NIPA2: variants seen among roughly 807,000 people sequenced by gnomAD.
NIPA2 encodes the protein NIPA magnesium transporter 2, also known as magnesium transporter NIPA2.
A neutral mutation model predicts 29.7 loss-of-function variants in NIPA2; 11 were observed. The observed-to-expected ratio is 0.37, with a 90% CI of 0.23 to 0.61. The LOEUF is 0.61. NIPA2 is among the 20% of genes least tolerant of loss of function. The pLI, the probability that NIPA2 is intolerant of heterozygous loss-of-function variation, is 0.66. For synonymous variants in NIPA2, 183 were observed against 161.9 expected, an observed-to-expected ratio of 1.13 and a Z score of -0.99; for missense variants, 426 against 437.9, an observed-to-expected ratio of 0.97 and a Z score of 0.24.
Position 22,860,912 on chromosome 15 carries a change from G to A in NIPA2, c.448+123G>A, listed in dbSNP as rs932268662. The A allele has an allele frequency of 1.2e-5, 8 of 669,520 alleles. No individual in the cohort carries two copies. In the East Asian group the frequency reaches 1.8e-4, roughly 15 times the overall value. The allele number at this position is 669,520 out of a possible 1,614,324, so 41.5% of individuals were successfully genotyped here. A position where few individuals can be genotyped will look rare whatever the true frequency, so the allele number is the denominator to read the frequency against. ...CCACCTGGTAGAAGAACAAATTGTC[G>A]TCATGTTCCCTGCTCCCTCCTATCA... On this transcript the variant is annotated intron_variant, in intron 7 of 7. Coordinates refer to ENST00000337451, the MANE Select transcript of NIPA2 (RefSeq NM_030922.7).
In NIPA2 at chr15:22,854,067, C is replaced by T. The variant is rs530887792; in HGVS notation, c.196+799C>T. 5.3e-5 allele frequency among the ~76,000 whole-genome samples: 8 copies of T among 151,710 alleles called. No homozygotes were observed. In the South Asian group the frequency reaches 1.3e-3, roughly 24 times the overall value. ...GTCTCGATCTCTTGACCTCGTGATC[C>T]GCCCACCTTGGCCTCCCAAAGTGCT... On this transcript the variant is annotated intron_variant, in intron 5 of 7. Transcript: ENST00000337451.
At chr15:22,850,412 A>C (rs1036147422) in intron 3 of NIPA2, among the ~76,000 whole-genome samples, 2 of 151,206 alleles carry the variant, frequency 1.3e-5, no homozygotes, top group African/African-American at 4.9e-5. Context: ...GCGGCAAATC[A>C]GGGGTGAGGG....
At chr15:22,850,499 A>G (rs1310513363) in intron 3 of NIPA2, among the ~76,000 whole-genome samples, 1 of 152,132 alleles carries the variant, frequency 6.6e-6, no homozygotes, top group Non-Finnish European at 1.5e-5. Flanking sequence ...GGACTTTTTC[A>G]TTTCTTGGGA....
chr15:22,858,651 T>TAG, intron 6 of NIPA2, 21 bp downstream of exon 6: 1 of 1,409,970 alleles, frequency 7.1e-7, no homozygotes, highest in Non-Finnish European at 9.8e-7. Context: ...GTTTTTCATG[T>TAG]AGAAACAGTA....
In NIPA2 at chr15:22,866,796, A is replaced by C. The variant is rs113646056; in HGVS notation, c.1032A>C (p.Gln344His). ...AAAGCTTAACCTGTGGAATCGAACA[A>C]CACACTGGTGAAAATGTCTCCCGAA... ...NEESLTCGIE[Q>H]HTGENVSRRN... Residue 344 changes from glutamine (Q) to histidine (H), a missense_variant, in exon 8 of 8, where the codon CAA (glutamine) becomes CAC (histidine). Gln to His is a conservative substitution (Grantham distance 24). Coordinates refer to ENST00000337451, the MANE Select transcript of NIPA2 (RefSeq NM_030922.7). The C allele has an allele frequency of 1.0e-3, 1,668 of 1,609,002 alleles. 9 individuals carry two copies. The African/African-American group carries it at 0.011, about 11-fold the overall frequency.
chr15:22,849,467 G>A (rs2057551378), intron 3 of NIPA2, among the ~76,000 whole-genome samples: 1 of 152,074 alleles, frequency 6.6e-6, no homozygotes, highest in Non-Finnish European at 1.5e-5. Context: ...GTTCTGGAAG[G>A]CTTTCGGGTA....
At chr15:22,847,070 A>T (rs28591329) in intron 3 of NIPA2, among the ~76,000 whole-genome samples, 10 of 150,558 alleles carry the variant, frequency 6.6e-5, no homozygotes, top group Non-Finnish European at 1.3e-4. Context: ...TGCCCTGCTA[A>T]TTTTTTTGTA....
Position 22,866,413 on chromosome 15 carries a change from C to T in NIPA2, c.649C>T (p.Leu217=), listed in dbSNP as rs780796832. ...AGGGAAGCCTGTGCTGCGGCATCCCCTGGCTTGGATTCTGCTGCTGAGCCT... is the reference window on the plus strand; with the variant it reads ...AGGGAAGCCTGTGCTGCGGCATCCCTTGGCTTGGATTCTGCTGCTGAGCCT... The part of the protein sequence containing the change: ...FAGKPVLRHP[L]AWILLLSLIV... The change falls in exon 8 of 8, where the codon CTG becomes TTG. Residue 217 remains leucine, a synonymous_variant. Transcript: ENST00000337451. 23 of 1,614,018 alleles carry T rather than the reference C, an allele frequency of 1.4e-5. No homozygotes were observed. The South Asian group carries it at 2.5e-4, about 18-fold the overall frequency.
intron 7 of NIPA2, among the ~76,000 whole-genome samples, chr15:22,862,879 C>T (rs1196747765): frequency 2.1e-5 from 3 of 139,600 alleles, no homozygotes; most frequent in African/African-American, 5.3e-5. Context: ...GGCCTAGTTT[C>T]TTTCAGTTTG....
rs2059092511 is a variant in NIPA2 at position 22,866,597 on chromosome 15, A to G, written c.833A>G (p.Asp278Gly). 1 of 1,614,118 alleles carries G rather than the reference A, an allele frequency of 6.2e-7. No homozygotes were observed. The highest frequency in any genetic ancestry group is 8.5e-7 in the Non-Finnish European group (1 of 1,180,010). ...FKEWQDMPVD[D>G]VIGTLSGFFT... ...GAGTGGCAAGATATGCCTGTTGACG[A>G]TGTCATTGGTACTTTGAGTGGCTTC... The change falls in exon 8 of 8, where the codon GAT becomes GGT. Residue 278 changes from aspartate to glycine, a missense_variant. Asp to Gly is a moderately conservative substitution (Grantham distance 94). This residue lies in a region of NIPA2 where 357 missense variants were observed against 339.8 expected (regional missense o/e 1.05). Transcript: ENST00000337451.
intron 5 of NIPA2, among the ~76,000 whole-genome samples, chr15:22,855,020 A>G (rs569877200): frequency 6.6e-6 from 1 of 152,262 alleles, no homozygotes; most frequent in Admixed American, 6.5e-5. Context: ...TCTCATTCCA[A>G]ATTAAAAAGA....
intron 7 of NIPA2, among the ~76,000 whole-genome samples, chr15:22,862,284 G>A (rs1414154775): frequency 6.6e-6 from 1 of 151,166 alleles, no homozygotes; most frequent in Non-Finnish European, 1.5e-5. Flanking sequence ...CTGACCTCAG[G>A]TGATCCACCT....
intron 4 of NIPA2, among the ~76,000 whole-genome samples, chr15:22,852,191 G>T (rs1166662830): frequency 6.6e-6 from 1 of 152,166 alleles, no homozygotes; most frequent in East Asian, 1.9e-4. Flanking sequence ...GTTAGGCTGG[G>T]CGTGGTGGCT....
chr15:22,857,225 G>A (rs796913249), intron 5 of NIPA2, among the ~76,000 whole-genome samples: 3 of 152,084 alleles, frequency 2.0e-5, no homozygotes, highest in African/African-American at 7.2e-5. Flanking sequence ...TAGGTCAGGA[G>A]TTCAAGACCA....
chr15:22,866,129 C>T (rs1023432105), intron 7 of NIPA2, 84 bp from the exon 8 acceptor site: 45 of 1,120,826 alleles, frequency 4.0e-5, no homozygotes, highest in Admixed American at 3.9e-4. Flanking sequence ...TTCTCCCTAT[C>T]AAGTTTATTA....
In NIPA2 at chr15:22,858,533, C is replaced by A; in HGVS notation, c.197-7C>A. ...CCTGAGTTTTTCTTTTGTTGTCTGT[C>A]TCTAAGTGGGAGCTGGTGAGGTGGC... On this transcript the variant is annotated splice_polypyrimidine_tract_variant and splice_region_variant and intron_variant, in intron 5 of 7. Coordinates refer to ENST00000337451, the MANE Select transcript of NIPA2 (RefSeq NM_030922.7). The A allele has an allele frequency of 6.3e-7, 1 of 1,597,364 alleles. No homozygotes were observed. The highest frequency in any genetic ancestry group is 8.6e-7 in the Non-Finnish European group (1 of 1,169,578).
At position 22,851,665 on chromosome 15, in the gene NIPA2, T is replaced by C. The variant is rs2057752390; in HGVS notation, c.-67T>C. The C allele has an allele frequency of 1.5e-6, 2 of 1,369,070 alleles. No homozygotes were observed. Among genetic ancestry groups the C allele is most frequent in the Non-Finnish European group, 2.0e-6 (2 of 991,752 alleles). The allele number at this position is 1,369,070 out of a possible 1,614,324, so 84.8% of individuals were successfully genotyped here. A position where few individuals can be genotyped will look rare whatever the true frequency, so the allele number is the denominator to read the frequency against. The stretch of plus-strand genomic sequence containing the variant: ...TTTGAAGACTGCTTCATTCTGCCTC[T>C]AGTACCAGCGGTTTCTCTGTTCTGT... On this transcript the variant is annotated 5_prime_UTR_variant, in exon 4 of 8. Coordinates refer to ENST00000337451, the MANE Select transcript of NIPA2 (RefSeq NM_030922.7).
chr15:22,866,134 T>G, intron 7 of NIPA2, 79 bp from the exon 8 acceptor site: 1 of 1,162,736 alleles, frequency 8.6e-7, no homozygotes, highest in Non-Finnish European at 1.2e-6. Flanking sequence ...CCTATCAAGT[T>G]TATTATATTT....
At chr15:22,848,207 G>A (rs990513630) in intron 3 of NIPA2, among the ~76,000 whole-genome samples, 2 of 152,044 alleles carry the variant, frequency 1.3e-5, no homozygotes, top group African/African-American at 4.8e-5. Flanking sequence ...TGGGTAGCTC[G>A]GTTTCTCACT....
Sources: allele counts gnomAD v4.1 joint callset (sites outside exome capture counted in the v4.1 genomes callset), GRCh38; gene constraint gnomAD v4.1.1; regional missense constraint gnomAD v4.1.1; transcripts MANE v1.5; gene names NCBI Gene and HGNC (gene_info 2026-07-23, HGNC 2026-07-21).